The following SLC14A2 variants were observed in gnomAD, a reference collection of about 807,000 sequenced individuals.
SLC14A2 encodes the protein solute carrier family 14 member 2, also known as urea transporter 2.
In SLC14A2, 91 loss-of-function variants were observed where a neutral mutation model predicts 104.6. The ratio of observed to expected loss-of-function variants is 0.87; its 90% CI spans 0.73 to 1.04. The LOEUF is 1.04. Ranked by LOEUF, SLC14A2 falls within the 50% of genes least tolerant of loss-of-function variation. The probability of loss-of-function intolerance (pLI) is 0.00; values close to 1 mark genes in which losing one functional copy is unlikely to be tolerated. For missense variants in SLC14A2, 1,189 were observed against 1,156.0 expected (o/e 1.03, Z -0.41); for synonymous variants, 476 against 466.4 (o/e 1.02, Z -0.27).
intron 1 of SLC14A2, among the ~76,000 whole-genome samples, chr18:45,621,783 G>A (rs1040815252): frequency 3.3e-5 from 5 of 152,216 alleles, no homozygotes; most frequent in South Asian, 2.1e-4. Flanking sequence ...CTGGTCCCAT[G>A]AGAGTATGTG....
At chr18:45,233,955 A>G (rs913043711) in intron 1 of SLC14A2, among the ~76,000 whole-genome samples, 1 of 152,032 alleles carries the variant, frequency 6.6e-6, no homozygotes, top group Non-Finnish European at 1.5e-5. Context: ...TTAGCTCATT[A>G]GCAGAATGCA....
At chr18:45,278,529 C>G (rs1411986003) in intron 1 of SLC14A2, among the ~76,000 whole-genome samples, 2 of 152,144 alleles carry the variant, frequency 1.3e-5, no homozygotes, top group Non-Finnish European at 2.9e-5. Context: ...AAACTTGGCT[C>G]ACCCATATCA....
chr18:45,218,152 T>C lies in SLC14A2; in HGVS notation c.-125+4961T>C, dbSNP rs547075152. 8.8e-4 allele frequency among the ~76,000 whole-genome samples: 134 copies of C among 152,356 alleles called. 1 individual carries two copies. Among genetic ancestry groups the C allele is most frequent in the African/African-American group, 3.1e-3 (130 of 41,598 alleles). ...ACTTCATCCCCCCGAAGTGAAACTC[T>C]TTAATCATTAGATAATAACTCCTCA... On this transcript the variant is annotated intron_variant, in intron 1 of 20. Transcript: ENST00000586448.
chr18:45,494,350 G>A (rs549203225), intron 2 of SLC14A2, among the ~76,000 whole-genome samples: 6 of 152,238 alleles, frequency 3.9e-5, no homozygotes, highest in South Asian at 4.1e-4. Flanking sequence ...AAGAAGTGCC[G>A]CTTCTTCTCT....
chr18:45,368,128 A>G (rs1232601093), intron 1 of SLC14A2, among the ~76,000 whole-genome samples: 1 of 151,762 alleles, frequency 6.6e-6, no homozygotes, highest in East Asian at 1.9e-4. Context: ...GGAGAGACAC[A>G]CTCTGATGTT....
chr18:45,344,378 C>T (rs562631249), intron 1 of SLC14A2, among the ~76,000 whole-genome samples: 1 of 152,264 alleles, frequency 6.6e-6, no homozygotes, highest in East Asian at 1.9e-4. Flanking sequence ...CAGGGTAACC[C>T]CAAGTTCCGC....
chr18:45,416,791 C>T (rs1185510625), intron 1 of SLC14A2, among the ~76,000 whole-genome samples: 2 of 152,182 alleles, frequency 1.3e-5, no homozygotes, highest in African/African-American at 4.8e-5. Context: ...TTTCCTCTCT[C>T]AAATTACCTT....
intron 1 of SLC14A2, among the ~76,000 whole-genome samples, chr18:45,420,052 G>A (rs1269725184): frequency 6.6e-6 from 1 of 152,146 alleles, no homozygotes. Context: ...GAACAGCTTG[G>A]CCAGGTAGTT....
intron 1 of SLC14A2, among the ~76,000 whole-genome samples, chr18:45,306,326 A>G (rs1351667895): frequency 1.3e-5 from 2 of 152,110 alleles, no homozygotes; most frequent in South Asian, 2.1e-4. Flanking sequence ...CCTCAAATCT[A>G]TTTCCCCATG....
chr18:45,264,760 G>T (rs563354798), intron 1 of SLC14A2, among the ~76,000 whole-genome samples: 1 of 152,116 alleles, frequency 6.6e-6, no homozygotes, highest in Non-Finnish European at 1.5e-5. Context: ...CTCCCACGGG[G>T]TCCGTCCCAT....
At chr18:45,516,910 G>A (rs1432357544) in intron 2 of SLC14A2, among the ~76,000 whole-genome samples, 2 of 152,222 alleles carry the variant, frequency 1.3e-5, no homozygotes, top group Admixed American at 6.5e-5. Flanking sequence ...AGCAGAGAAA[G>A]CTTCACATGG....
chr18:45,595,582 G>A (rs1268435150), intron 2 of SLC14A2, among the ~76,000 whole-genome samples: 1 of 152,098 alleles, frequency 6.6e-6, no homozygotes, highest in Non-Finnish European at 1.5e-5. Flanking sequence ...TAGAAATTGT[G>A]TACTCTCCAC....
intron 1 of SLC14A2, among the ~76,000 whole-genome samples, chr18:45,444,301 T>C (rs1568207668): frequency 6.6e-6 from 1 of 152,158 alleles, no homozygotes. Context: ...GGTTTTCTTA[T>C]CTGTAAAGTG....
intron 1 of SLC14A2, among the ~76,000 whole-genome samples, chr18:45,224,325 C>A (rs1568108485): frequency 6.6e-6 from 1 of 152,208 alleles, no homozygotes; most frequent in Admixed American, 6.5e-5. Flanking sequence ...AACTGATGGA[C>A]AGAATGGGAT....
intron 18 of SLC14A2, among the ~76,000 whole-genome samples, chr18:45,674,582 A>T (rs2046195852): frequency 6.6e-6 from 1 of 151,904 alleles, no homozygotes; most frequent in Admixed American, 6.6e-5. Flanking sequence ...TGCTACACCA[A>T]CCTAAGGCCA....
chr18:45,356,418 T>A (rs745689840), intron 1 of SLC14A2, among the ~76,000 whole-genome samples: 33 of 152,226 alleles, frequency 2.2e-4, no homozygotes, highest in Non-Finnish European at 4.4e-4. Flanking sequence ...AACAGACTTT[T>A]ATCTTATTTA....
chr18:45,654,882 G>A (rs1187634396), intron 10 of SLC14A2, among the ~76,000 whole-genome samples: 2 of 152,168 alleles, frequency 1.3e-5, no homozygotes, highest in South Asian at 2.1e-4. Context: ...ATGACCCACA[G>A]CTGTGACATC....
intron 7 of SLC14A2, 76 bp downstream of exon 7, chr18:45,639,969 C>G: frequency 7.5e-7 from 1 of 1,335,642 alleles, no homozygotes; most frequent in Non-Finnish European, 1.0e-6. Flanking sequence ...TACAGCAAAT[C>G]TTCCAGACAT....
intron 2 of SLC14A2, among the ~76,000 whole-genome samples, chr18:45,501,412 T>C (rs924823738): frequency 1.3e-5 from 2 of 152,228 alleles, no homozygotes; most frequent in African/African-American, 4.8e-5. Flanking sequence ...TTAAAACATA[T>C]TAATAAAGTG....
Sources: allele counts gnomAD v4.1 joint callset (sites outside exome capture counted in the v4.1 genomes callset), GRCh38; gene constraint gnomAD v4.1.1; transcripts MANE v1.5; gene names NCBI Gene and HGNC (gene_info 2026-07-23, HGNC 2026-07-21).